Variants in LRRFIP1 observed in about 807,000 individuals in gnomAD.
LRRFIP1 encodes the protein LRR binding FLII interacting protein 1.
Under a neutral mutation model 104.4 loss-of-function variants are expected in LRRFIP1, and 62 were observed. That is an observed-to-expected ratio of 0.59 (90% CI 0.48 to 0.73). LRRFIP1 has a LOEUF of 0.73. LRRFIP1 is among the 30% of genes least tolerant of loss of function. The probability of loss-of-function intolerance (pLI) is 0.00; values close to 1 mark genes in which losing one functional copy is unlikely to be tolerated. For missense variants in LRRFIP1, 796 were observed against 824.5 expected (o/e 0.97, Z 0.42); for synonymous variants, 300 against 299.0 (o/e 1.00, Z -0.03).
rs539520142 is a variant in LRRFIP1, at chr2:237,716,390, C to CCTTTTTGTACTCATGTA, written c.202-1356_202-1355insACTTTTTGTACTCATGT. Among the ~76,000 whole-genome samples the CCTTTTTGTACTCATGTA allele has an allele frequency of 5.5e-3, 833 of 152,048 alleles. 2 individuals are homozygous for CCTTTTTGTACTCATGTA. Among genetic ancestry groups the CCTTTTTGTACTCATGTA allele is most frequent in the Non-Finnish European group, 8.2e-3 (556 of 67,964 alleles). ...CTCATGTCCTTTTTGTCTTTTTTGT[C>CCTTTTTGTACTCATGTA]CTTTTTGTACTCATGTCCTTTTTGT... On this transcript the variant is annotated intron_variant, in intron 3 of 23. Transcript: ENST00000308482.
At chr2:237,723,639 A>C (rs1444781861) in intron 7 of LRRFIP1, 53 bp downstream of exon 7, 3 of 1,599,868 alleles carry the variant, frequency 1.9e-6, no homozygotes, top group Middle Eastern at 1.7e-4. Context: ...TGGTGTGACC[A>C]TAATAACCTG....
At chr2:237,705,853 A>G (rs965515800) in intron 1 of LRRFIP1, among the ~76,000 whole-genome samples, 1 of 152,150 alleles carries the variant, frequency 6.6e-6, no homozygotes, top group African/African-American at 2.4e-5. Context: ...TGCTGGCGTC[A>G]GTCAGCCAGG....
intron 17 of LRRFIP1, among the ~76,000 whole-genome samples, chr2:237,757,867 G>C (rs1184961393): frequency 6.6e-6 from 1 of 151,882 alleles, no homozygotes; most frequent in Non-Finnish European, 1.5e-5. Flanking sequence ...CTCTGAGGAG[G>C]TCTGATGTGT....
chr2:237,667,754 C>A (rs2089669968), intron 1 of LRRFIP1, among the ~76,000 whole-genome samples: 1 of 152,144 alleles, frequency 6.6e-6, no homozygotes. Flanking sequence ...CATTTGGGAT[C>A]CTGACGTGAA....
At chr2:237,772,057 G>T in intron 20 of LRRFIP1, 24 bp from the exon 21 acceptor site, 1 of 1,542,538 alleles carries the variant, frequency 6.5e-7, no homozygotes, top group Non-Finnish European at 9.0e-7. Context: ...GAAATTAACA[G>T]ATTTTACTGG....
Position 237,649,209 on chromosome 2 carries a change from C to T in LRRFIP1, c.96+21469C>T, listed in dbSNP as rs1193146737. ...AAGCCTGGCCCCAGAACAGCCCCTC[C>T]CTCCCCACCCACAGCTGTGCCCAGC... On this transcript the variant is annotated intron_variant, in intron 1 of 23. Coordinates refer to ENST00000308482, the MANE Select transcript of LRRFIP1 (RefSeq NM_001137550.2). The surrounding 1 kb of genome is among the most constrained non-coding windows in gnomAD (Gnocchi z 4.1). Among the ~76,000 whole-genome samples, 1 of 151,822 alleles carries T rather than the reference C, an allele frequency of 6.6e-6. No individual in the cohort carries two copies. The highest frequency in any genetic ancestry group is 2.4e-5 in the African/African-American group (1 of 41,402).
chr2:237,744,102 G>A (rs180701549), intron 11 of LRRFIP1, among the ~76,000 whole-genome samples: 22 of 152,260 alleles, frequency 1.4e-4, no homozygotes, highest in Non-Finnish European at 2.8e-4. Context: ...GTGGAAAAAC[G>A]GGTCTTGAAT....
chr2:237,715,821 C>T (rs890970947), intron 3 of LRRFIP1, among the ~76,000 whole-genome samples: 2 of 152,226 alleles, frequency 1.3e-5, no homozygotes, highest in Admixed American at 6.5e-5. Context: ...TTTGCCCTTC[C>T]TGGACTTTGC....
At chr2:237,727,783 AC>A in intron 7 of LRRFIP1, 92 bp from the exon 8 acceptor site, 1 of 858,000 alleles carries the variant, frequency 1.2e-6, no homozygotes. Context: ...AAGAAAGGTC[AC>A]CTTATACCTG....
intron 1 of LRRFIP1, among the ~76,000 whole-genome samples, chr2:237,654,482 A>G (rs1351735748): frequency 6.6e-6 from 1 of 152,172 alleles, no homozygotes; most frequent in Non-Finnish European, 1.5e-5. Context: ...GAAGAAAACT[A>G]CTATATGATA....
rs1575228835 is a variant in LRRFIP1 at position 237,661,259 on chromosome 2, G to A, written c.96+33519G>A. ...CTCTGATGATTCTCCCTCTGCCTTG[G>A]AGGCTTGGCTTCCCCTGGCTGCTGC... On this transcript the variant is annotated intron_variant, in intron 1 of 23. Transcript: ENST00000308482. This position sits in a 1 kb window ranked among gnomAD's most constrained non-coding sequence, Gnocchi z 4.4. Among the ~76,000 whole-genome samples, 1 of 152,254 alleles carries A rather than the reference G, an allele frequency of 6.6e-6. No individual in the cohort carries two copies. The highest frequency in any genetic ancestry group is 1.9e-4 in the East Asian group (1 of 5,170).
At chr2:237,701,930 G>GA (rs1409504454) in intron 1 of LRRFIP1, among the ~76,000 whole-genome samples, 1 of 152,186 alleles carries the variant, frequency 6.6e-6, no homozygotes, top group African/African-American at 2.4e-5. Context: ...ATGCAGCCCA[G>GA]AAAAGACCCT....
intron 10 of LRRFIP1, among the ~76,000 whole-genome samples, chr2:237,737,283 T>G (rs2095279873): frequency 6.6e-6 from 1 of 152,132 alleles, no homozygotes; most frequent in African/African-American, 2.4e-5. Context: ...CCTTTCCTAG[T>G]CCTCAGCTCC....
At chr2:237,653,689 C>T (rs6736504) in intron 1 of LRRFIP1, among the ~76,000 whole-genome samples, 6,632 of 152,206 alleles carry the variant, frequency 0.044, 475 homozygotes, top group African/African-American at 0.15. Context: ...ATAGCGAGCC[C>T]AGAAATAAAT....
At chr2:237,648,420 A>G (rs976866977) in intron 1 of LRRFIP1, among the ~76,000 whole-genome samples, 2 of 152,010 alleles carry the variant, frequency 1.3e-5, no homozygotes, top group South Asian at 4.1e-4. Flanking sequence ...TGTTCATTGT[A>G]ATCTGGTATA....
intron 8 of LRRFIP1, among the ~76,000 whole-genome samples, chr2:237,732,086 T>G (rs1309590341): frequency 6.6e-6 from 1 of 152,220 alleles, no homozygotes; most frequent in Non-Finnish European, 1.5e-5. Context: ...AATTAAATAT[T>G]TTTTTCTGTG....
intron 19 of LRRFIP1, chr2:237,765,728 T>G: frequency 1.1e-6 from 1 of 941,590 alleles, no homozygotes; most frequent in Non-Finnish European, 1.3e-6. Flanking sequence ...AAAGTTAGAT[T>G]TAAAATTGTA....
intron 1 of LRRFIP1, among the ~76,000 whole-genome samples, chr2:237,666,327 G>A (rs1352114113): frequency 1.3e-5 from 2 of 152,172 alleles, no homozygotes; most frequent in East Asian, 3.8e-4. Flanking sequence ...ATTCTTTTTA[G>A]GTTTCTTTTA....
intron 4 of LRRFIP1, among the ~76,000 whole-genome samples, chr2:237,718,010 T>C (rs1386199267): frequency 6.6e-6 from 1 of 152,254 alleles, no homozygotes; most frequent in Non-Finnish European, 1.5e-5. Context: ...CGCAGCCTGC[T>C]TAGAAACAGT....
Sources: allele counts gnomAD v4.1 joint callset (sites outside exome capture counted in the v4.1 genomes callset), GRCh38; gene constraint gnomAD v4.1.1; non-coding constraint Gnocchi (gnomAD v3.1); transcripts MANE v1.5; gene names NCBI Gene and HGNC (gene_info 2026-07-23, HGNC 2026-07-21).